The following CFH variants were observed in gnomAD, a reference collection of about 807,000 sequenced individuals.
CFH encodes complement factor H.
A neutral mutation model predicts 147.3 loss-of-function variants in CFH; 53 were observed. The observed-to-expected ratio is 0.36, with a 90% confidence interval of 0.29 to 0.45. The LOEUF (loss-of-function observed/expected upper bound fraction) is 0.45. Among genes scored for constraint, CFH ranks in the 20% least tolerant of loss-of-function variants. The pLI, the probability that CFH is intolerant of heterozygous loss-of-function variation, is 1.00. For missense variants in CFH, 1,380 were observed against 1,498.0 expected (o/e 0.92, Z 1.30); for synonymous variants, 536 against 489.4 (o/e 1.10, Z -1.26).
intron 1 of CFH, among the ~76,000 whole-genome samples, chr1:196,656,945 T>C (rs1666720954): frequency 6.6e-6 from 1 of 152,142 alleles, no homozygotes; most frequent in African/African-American, 2.4e-5. Context: ...TGGAATTTTC[T>C]TCTTGCTCTT....
chr1:196,739,125 A>G (rs1327950853), intron 17 of CFH, among the ~76,000 whole-genome samples: 1 of 152,222 alleles, frequency 6.6e-6, no homozygotes, highest in Non-Finnish European at 1.5e-5. Flanking sequence ...CTGAGGCTGC[A>G]TAGAGCAGCA....
At chr1:196,673,188 A>G in intron 2 of CFH, 25 bp downstream of exon 2, 1 of 1,595,520 alleles carries the variant, frequency 6.3e-7, no homozygotes, top group Non-Finnish European at 8.6e-7. Flanking sequence ...CATTTGTGAA[A>G]TTTATGAAAA....
intron 7 of CFH, among the ~76,000 whole-genome samples, chr1:196,687,972 A>G (rs1408218954): frequency 6.8e-6 from 1 of 147,718 alleles, no homozygotes; most frequent in South Asian, 2.1e-4. Context: ...TATAATCCAC[A>G]TAATAAATGT....
intron 9 of CFH, among the ~76,000 whole-genome samples, chr1:196,703,982 CAAAAAAA>C (rs386369224): frequency 1.8e-4 from 11 of 60,610 alleles, no homozygotes; most frequent in African/African-American, 5.5e-4. Flanking sequence ...AAGACTCTGT[CAAAAAAA>C]AAAAAAAAAA....
intron 11 of CFH, among the ~76,000 whole-genome samples, chr1:196,724,650 A>G (rs1669086430): frequency 6.6e-6 from 1 of 151,510 alleles, no homozygotes; most frequent in Admixed American, 6.6e-5. Flanking sequence ...ACCCTCTCTT[A>G]AATATTTTTC....
intron 21 of CFH, 129 bp from the exon 22 acceptor site, chr1:196,746,982 T>G (rs1266941605): frequency 4.8e-6 from 7 of 1,472,024 alleles, no homozygotes; most frequent in Non-Finnish European, 5.6e-6. Flanking sequence ...TGTTTCTACA[T>G]AGTTGGTTTG....
chr1:196,726,710 A>AACACATAC (rs752965199), intron 13 of CFH, 51 bp from the exon 14 acceptor site: 2 of 1,607,284 alleles, frequency 1.2e-6, no homozygotes, highest in South Asian at 1.1e-5. Flanking sequence ...TTGTATCTAA[A>AACACATAC]ACACATACAT....
At position 196,679,813 on chromosome 1, in the gene CFH, C is replaced by T; in HGVS notation, c.790+20C>T. ...GTGAAGGTAATGTTACCTTTATTTTCTGGATCTTTATAAATTTATCACATA... is the reference window on the plus strand; with the variant it reads ...GTGAAGGTAATGTTACCTTTATTTTTTGGATCTTTATAAATTTATCACATA... On this transcript the variant is annotated intron_variant, in intron 6 of 21. Coordinates refer to ENST00000367429, the MANE Select transcript of CFH (RefSeq NM_000186.4). 6.3e-7 allele frequency: 1 copy of T among 1,599,992 alleles called. No individual in the cohort carries two copies. The highest frequency in any genetic ancestry group is 8.5e-7 in the Non-Finnish European group (1 of 1,170,234).
intron 11 of CFH, among the ~76,000 whole-genome samples, chr1:196,718,339 G>A (rs1434651488): frequency 6.6e-6 from 1 of 152,006 alleles, no homozygotes; most frequent in Non-Finnish European, 1.5e-5. Flanking sequence ...AGGAGGGAAG[G>A]AACTGGAGAT....
chr1:196,729,387 T>G (rs1259898211), intron 15 of CFH, among the ~76,000 whole-genome samples: 1 of 152,080 alleles, frequency 6.6e-6, no homozygotes, highest in African/African-American at 2.4e-5. Context: ...ATGGGATGCA[T>G]CACCTTTACT....
At chr1:196,739,282 G>C (rs1391221875) in intron 17 of CFH, among the ~76,000 whole-genome samples, 1 of 152,100 alleles carries the variant, frequency 6.6e-6, no homozygotes, top group Non-Finnish European at 1.5e-5. Context: ...TATTATTTTT[G>C]CAAATTTCTG....
Position 196,690,206 on chromosome 1 carries a change from G to C in CFH, c.1303G>C (p.Gly435Arg), listed in dbSNP as rs1439366047. The change falls in exon 9 of 22, where the codon GGC becomes CGC. Residue 435 changes from glycine to arginine, a missense_variant. Around this residue, in one of 4 missense-constraint regions of CFH, gnomAD observed 830 missense variants for 821.4 expected, o/e 1.01. Transcript: ENST00000367429. ...GACCACAGTTACATGTATGGAGAATGGCTGGTCTCCTACTCCCAGATGCAT... is the reference window on the plus strand; with the variant it reads ...GACCACAGTTACATGTATGGAGAATCGCTGGTCTCCTACTCCCAGATGCAT... ...AQTTVTCMEN[G>R]WSPTPRCIRV... 1 of 1,613,244 alleles carries C rather than the reference G, an allele frequency of 6.2e-7. No individual in the cohort carries two copies. Among genetic ancestry groups the C allele is most frequent in the African/African-American group, 1.3e-5 (1 of 74,850 alleles).
chr1:196,736,930 A>C lies in CFH; in HGVS notation c.2520A>C (p.Gln840His), dbSNP rs370764629. 1.2e-6 allele frequency: 2 copies of C among 1,612,052 alleles called. No individual in the cohort carries two copies. Among genetic ancestry groups the C allele is most frequent in the South Asian group, 2.2e-5 (2 of 90,962 alleles). The change falls in exon 16 of 22, where the codon CAA (glutamine) becomes CAC (histidine). Residue 840 changes from glutamine (Q) to histidine (H), a missense_variant. Physicochemically the swap from Gln to His is conservative, Grantham distance 24 (BLOSUM62 0). Transcript: ENST00000367429. ...RDGEKVSVLCQENYLIQEGEE... is the reference protein window; with the variant it reads ...RDGEKVSVLCHENYLIQEGEE... ...GAGAAAAAGTATCTGTTCTTTGCCA[A>C]GAAAATTATCTAATTCAGGAAGGAG...
intron 11 of CFH, among the ~76,000 whole-genome samples, chr1:196,723,048 A>G (rs1464978127): frequency 6.6e-6 from 1 of 152,034 alleles, no homozygotes; most frequent in African/African-American, 2.4e-5. Context: ...TTTAAAATAA[A>G]TATTTTAAAT....
At chr1:196,688,788 A>G (rs1194532694) in intron 7 of CFH, among the ~76,000 whole-genome samples, 1 of 151,840 alleles carries the variant, frequency 6.6e-6, no homozygotes. Flanking sequence ...TTTTTTTTGT[A>G]TTTTTAGTAG....
At chr1:196,656,653 C>A (rs1490580309) in intron 1 of CFH, among the ~76,000 whole-genome samples, 1 of 148,290 alleles carries the variant, frequency 6.7e-6, no homozygotes, top group Non-Finnish European at 1.5e-5. Context: ...TCCACAAGTA[C>A]TACTTAGTAA....
At chr1:196,718,361 A>G (rs1668921548) in intron 11 of CFH, among the ~76,000 whole-genome samples, 1 of 152,188 alleles carries the variant, frequency 6.6e-6, no homozygotes, top group African/African-American at 2.4e-5. Context: ...TGTTTTACAT[A>G]GGAAGTCATC....
intron 9 of CFH, among the ~76,000 whole-genome samples, chr1:196,692,788 TTC>T (rs1471423322): frequency 8.8e-4 from 86 of 97,620 alleles, no homozygotes; most frequent in Admixed American, 1.3e-3. Flanking sequence ...CTTTCTTTCT[TTC>T]TTTCTTTCTT....
chr1:196,674,801 AAT>A (rs2149078877), intron 3 of CFH, among the ~76,000 whole-genome samples: 1 of 152,258 alleles, frequency 6.6e-6, no homozygotes, highest in South Asian at 2.1e-4. Context: ...GGTATTTAAA[AAT>A]ATATCTCTTC....
Sources: gnomAD v4.1 joint callset for allele counts (sites outside exome capture counted in the v4.1 genomes callset) on GRCh38, gnomAD v4.1.1 for gene constraint, gnomAD v4.1.1 regional missense constraint, MANE v1.5 for transcripts, NCBI Gene and HGNC (gene_info 2026-07-23, HGNC 2026-07-21) for gene names.